Variants in SNAP91 observed in about 807,000 individuals in gnomAD.
The protein encoded by SNAP91 is synaptosome associated protein 91.
Under a neutral mutation model 100.3 loss-of-function variants are expected in SNAP91, and 27 were observed. The ratio of observed to expected loss-of-function variants is 0.27; its 90% CI spans 0.20 to 0.37. The LOEUF (loss-of-function observed/expected upper bound fraction) is 0.37. Ranked by LOEUF, SNAP91 falls within the 10% of genes least tolerant of loss-of-function variation. The pLI is 1.00. For missense variants in SNAP91, 986 were observed against 1,123.7 expected (o/e 0.88, Z 1.75); for synonymous variants, 404 against 398.6 (o/e 1.01, Z -0.16).
intron 2 of SNAP91, among the ~76,000 whole-genome samples, chr6:83,685,397 A>G (rs1409382476): frequency 6.6e-6 from 1 of 152,214 alleles, no homozygotes; most frequent in Non-Finnish European, 1.5e-5. Flanking sequence ...AATAATAAAT[A>G]CTTCGGCTTT....
intron 16 of SNAP91, among the ~76,000 whole-genome samples, chr6:83,598,214 T>G (rs562792581): frequency 1.3e-5 from 2 of 152,256 alleles, no homozygotes; most frequent in African/African-American, 2.4e-5. Flanking sequence ...TATTTATAAA[T>G]TTTACTAAAT....
chr6:83,669,556 CT>C (rs1010884292), intron 2 of SNAP91, among the ~76,000 whole-genome samples: 1 of 150,676 alleles, frequency 6.6e-6, no homozygotes, highest in African/African-American at 2.4e-5. Flanking sequence ...TTTGACAAAC[CT>C]ATACACTCAT....
intron 2 of SNAP91, among the ~76,000 whole-genome samples, chr6:83,687,255 T>G: frequency 6.6e-6 from 1 of 152,186 alleles, no homozygotes; most frequent in East Asian, 1.9e-4. Context: ...TTAGTTATTC[T>G]TACCTAATAC....
chr6:83,644,019 C>A (rs1228997688), intron 7 of SNAP91, among the ~76,000 whole-genome samples: 1 of 152,152 alleles, frequency 6.6e-6, no homozygotes, highest in Non-Finnish European at 1.5e-5. Flanking sequence ...TCTGGCAAAA[C>A]ATACTTTTTG....
intron 8 of SNAP91, among the ~76,000 whole-genome samples, chr6:83,632,506 T>C (rs1380964667): frequency 6.6e-6 from 1 of 152,214 alleles, no homozygotes; most frequent in Non-Finnish European, 1.5e-5. Context: ...AGAATTCTCT[T>C]GTTCCTCAGG....
At chr6:83,655,505 A>C (rs1292780659) in intron 7 of SNAP91, among the ~76,000 whole-genome samples, 1 of 152,224 alleles carries the variant, frequency 6.6e-6, no homozygotes, top group Non-Finnish European at 1.5e-5. Flanking sequence ...GCTTTGGAGT[A>C]GGGCTATGTC....
At chr6:83,631,789 T>G (rs1431412205) in intron 8 of SNAP91, among the ~76,000 whole-genome samples, 1 of 152,174 alleles carries the variant, frequency 6.6e-6, no homozygotes, top group Non-Finnish European at 1.5e-5. Flanking sequence ...TTATCCATTC[T>G]GCAATTCTGT....
rs956408042 is a variant in SNAP91, at chr6:83,684,703, T to C, written c.131-19122A>G. Among the ~76,000 whole-genome samples the C allele has an allele frequency of 2.4e-4, 37 of 152,190 alleles. 1 individual carries two copies. The highest frequency in any genetic ancestry group is 2.9e-5 in the Non-Finnish European group (2 of 68,022). On this transcript the variant is annotated intron_variant, in intron 2 of 29. Coordinates refer to ENST00000369694, the MANE Select transcript of SNAP91 (RefSeq NM_001242792.2). ...AAACAAGTCTTTTTTGAGAGAACCA[T>C]AATAAATGCTCCTTTTTCCTTATCT...
At position 83,556,605 on chromosome 6, in the gene SNAP91, T is replaced by C. The variant is rs187757407; in HGVS notation, c.2632-360A>G. Among the ~76,000 whole-genome samples the C allele has an allele frequency of 1.6e-4, 25 of 152,212 alleles. No homozygotes were observed. The East Asian group carries it at 4.6e-3, about 28-fold the overall frequency. On this transcript the variant is annotated intron_variant, in intron 28 of 29. Transcript: ENST00000369694. ...AAATTTGGGGACTCCAGTAGAACAA[T>C]ATGGGTATGACTTAGGGAAGATGTG...
intron 21 of SNAP91, 83 bp downstream of exon 21, chr6:83,592,372 T>C: frequency 1.0e-6 from 1 of 954,274 alleles, no homozygotes; most frequent in East Asian, 2.7e-5. Context: ...AAAGAAAAAA[T>C]GATGAAATAT....
intron 9 of SNAP91, among the ~76,000 whole-genome samples, chr6:83,618,479 A>C (rs1340870166): frequency 2.6e-5 from 4 of 151,912 alleles, no homozygotes; most frequent in Non-Finnish European, 5.9e-5. Flanking sequence ...TTCTAATAAA[A>C]CACAACTAAG....
At chr6:83,655,847 T>C (rs1268836766) in intron 7 of SNAP91, among the ~76,000 whole-genome samples, 1 of 152,164 alleles carries the variant, frequency 6.6e-6, no homozygotes, top group Non-Finnish European at 1.5e-5. Flanking sequence ...CCTCAAATTA[T>C]ACCCATGGAC....
In SNAP91 at chr6:83,583,257, C is replaced by G. The variant is rs905491693; in HGVS notation, c.2015-901G>C. On this transcript the variant is annotated intron_variant, in intron 22 of 29. Coordinates refer to ENST00000369694, the MANE Select transcript of SNAP91 (RefSeq NM_001242792.2). ...ACCTGGTACATGGCCCCCTGCTACTCTCATTACATGTATCTATCCCCACTG... is the reference window on the plus strand; with the variant it reads ...ACCTGGTACATGGCCCCCTGCTACTGTCATTACATGTATCTATCCCCACTG... Among the ~76,000 whole-genome samples, 10 of 152,142 alleles carry G rather than the reference C, an allele frequency of 6.6e-5. No homozygotes were observed. In the South Asian group the frequency reaches 2.1e-3, roughly 32 times the overall value.
chr6:83,567,823 C>G (rs537574529), intron 26 of SNAP91, among the ~76,000 whole-genome samples: 5 of 149,840 alleles, frequency 3.3e-5, no homozygotes, highest in Non-Finnish European at 1.5e-5. Flanking sequence ...ATTAGGATGG[C>G]GATCATTAAA....
intron 14 of SNAP91, among the ~76,000 whole-genome samples, chr6:83,603,193 T>C (rs919682939): frequency 6.6e-6 from 1 of 152,090 alleles, no homozygotes; most frequent in African/African-American, 2.4e-5. Flanking sequence ...TATGTGTTTA[T>C]CAAAAAAACT....
At chr6:83,681,797 C>A (rs2098993439) in intron 2 of SNAP91, among the ~76,000 whole-genome samples, 1 of 152,170 alleles carries the variant, frequency 6.6e-6, no homozygotes, top group African/African-American at 2.4e-5. Flanking sequence ...GATGACCAAT[C>A]TTGGTCTACC....
At chr6:83,627,558 C>G (rs2096992559) in intron 8 of SNAP91, among the ~76,000 whole-genome samples, 3 of 151,984 alleles carry the variant, frequency 2.0e-5, no homozygotes, top group African/African-American at 7.2e-5. Flanking sequence ...GGAGTTTCAA[C>G]TTCTTCCTGG....
At chr6:83,626,359 T>C (rs1472013730) in intron 8 of SNAP91, among the ~76,000 whole-genome samples, 4 of 152,104 alleles carry the variant, frequency 2.6e-5, no homozygotes, top group Non-Finnish European at 5.9e-5. Flanking sequence ...TTTGGCTTCA[T>C]ATAAATTTAG....
At chr6:83,702,547 G>A (rs1277250399) in intron 2 of SNAP91, among the ~76,000 whole-genome samples, 1 of 152,060 alleles carries the variant, frequency 6.6e-6, no homozygotes, top group Non-Finnish European at 1.5e-5. Flanking sequence ...AATGCTACAA[G>A]CTAATATTGC....
Sources: allele counts gnomAD v4.1 joint callset (sites outside exome capture counted in the v4.1 genomes callset), GRCh38; gene constraint gnomAD v4.1.1; transcripts MANE v1.5; gene names NCBI Gene and HGNC (gene_info 2026-07-23, HGNC 2026-07-21).